RAPGEF2: variants seen among roughly 807,000 people sequenced by gnomAD.
RAPGEF2 encodes PDZ domain containing guanine nucleotide exchange factor (GEF) 1.
In RAPGEF2, 54 loss-of-function variants were observed where a neutral mutation model predicts 186.7. That is an observed-to-expected ratio of 0.29 (90% CI 0.23 to 0.36). The LOEUF is 0.36. Ranked by LOEUF, RAPGEF2 falls within the 10% of genes least tolerant of loss-of-function variation. The pLI is 1.00. For missense variants in RAPGEF2, 1,532 were observed against 2,045.0 expected (o/e 0.75, Z 4.84); for synonymous variants, 712 against 705.9 (o/e 1.01, Z -0.14).
intron 1 of RAPGEF2, among the ~76,000 whole-genome samples, chr4:159,136,195 A>G (rs1328969430): frequency 6.6e-6 from 1 of 152,292 alleles, no homozygotes; most frequent in African/African-American, 2.4e-5. Flanking sequence ...GAGTTTCATT[A>G]TATGTTATGG....
chr4:159,259,294 A>G (rs2110733262), intron 7 of RAPGEF2, among the ~76,000 whole-genome samples: 1 of 152,358 alleles, frequency 6.6e-6, no homozygotes, highest in South Asian at 2.1e-4. Flanking sequence ...TTAGAAGTAT[A>G]CCATTTAAGT....
intron 1 of RAPGEF2, among the ~76,000 whole-genome samples, chr4:159,168,653 C>G (rs1049360262): frequency 5.3e-5 from 8 of 152,094 alleles, no homozygotes; most frequent in African/African-American, 1.9e-4. Flanking sequence ...AAAGGGTATA[C>G]TTTGAAAACG....
chr4:159,179,308 G>A (rs961521377), intron 1 of RAPGEF2, among the ~76,000 whole-genome samples: 1 of 148,876 alleles, frequency 6.7e-6, no homozygotes, highest in Admixed American at 6.8e-5. Flanking sequence ...GTGTGTCATA[G>A]TTTTTTGACC....
At chr4:159,351,384 A>G (rs1424241508) in intron 26 of RAPGEF2, among the ~76,000 whole-genome samples, 1 of 152,178 alleles carries the variant, frequency 6.6e-6, no homozygotes, top group East Asian at 1.9e-4. Context: ...ATAAAAAGAC[A>G]TTTTATAAAT....
chr4:159,178,460 T>C (rs758000617), intron 1 of RAPGEF2, among the ~76,000 whole-genome samples: 5 of 152,108 alleles, frequency 3.3e-5, no homozygotes, highest in Non-Finnish European at 7.4e-5. Flanking sequence ...AAGCCCGTTA[T>C]ATATTCTGAA....
chr4:159,214,021 A>G (rs1243848643), intron 4 of RAPGEF2, among the ~76,000 whole-genome samples: 1 of 152,238 alleles, frequency 6.6e-6, no homozygotes, highest in Admixed American at 6.5e-5. Flanking sequence ...TATTGAAGCA[A>G]GGTACAATTT....
At chr4:159,104,311 C>T (rs1422838941) in intron 1 of RAPGEF2, 80 bp downstream of exon 1, 4 of 620,636 alleles carry the variant, frequency 6.4e-6, no homozygotes, top group Non-Finnish European at 1.0e-5. Flanking sequence ...CCACCTCCTT[C>T]CTGACACAGT....
At chr4:159,194,098 CA>C (rs1326100736) in intron 3 of RAPGEF2, among the ~76,000 whole-genome samples, 4 of 152,194 alleles carry the variant, frequency 2.6e-5, no homozygotes, top group Non-Finnish European at 5.9e-5. Context: ...AGAGCCTCAG[CA>C]AAGGGGCTGT....
At chr4:159,269,779 G>A (rs1757880749) in intron 7 of RAPGEF2, among the ~76,000 whole-genome samples, 1 of 152,154 alleles carries the variant, frequency 6.6e-6, no homozygotes, top group South Asian at 2.1e-4. Flanking sequence ...GAGAGGCAGA[G>A]GTGGAAGGAT....
At chr4:159,354,711 A>C (rs1731706106) in intron 28 of RAPGEF2, among the ~76,000 whole-genome samples, 1 of 152,218 alleles carries the variant, frequency 6.6e-6, no homozygotes, top group African/African-American at 2.4e-5. Context: ...TTTCTACTTA[A>C]TGGAGTTAGT....
chr4:159,248,361 A>C (rs1487698431), intron 7 of RAPGEF2, among the ~76,000 whole-genome samples: 1 of 152,172 alleles, frequency 6.6e-6, no homozygotes, highest in African/African-American at 2.4e-5. Context: ...ATTTTACTAA[A>C]ATTTATTGTT....
chr4:159,318,872 T>G (rs983577112), intron 9 of RAPGEF2, among the ~76,000 whole-genome samples: 9 of 152,364 alleles, frequency 5.9e-5, no homozygotes, highest in Non-Finnish European at 1.3e-4. Context: ...TGGGTTTTTT[T>G]ATAATGGTAC....
At chr4:159,342,558 T>A (rs55902837) in intron 20 of RAPGEF2, among the ~76,000 whole-genome samples, 2,224 of 47,512 alleles carry the variant, frequency 0.047, 37 homozygotes, top group African/African-American at 0.1. Flanking sequence ...TTTATATTAT[T>A]TTATTTTATT....
At chr4:159,170,988 T>C (rs2111247768) in intron 1 of RAPGEF2, among the ~76,000 whole-genome samples, 1 of 152,330 alleles carries the variant, frequency 6.6e-6, no homozygotes, top group East Asian at 1.9e-4. Flanking sequence ...CTTGGTACCT[T>C]TTTTGAGAAT....
chr4:159,331,856 T>A (rs779847020), intron 15 of RAPGEF2, 23 bp downstream of exon 15: 1 of 1,607,278 alleles, frequency 6.2e-7, no homozygotes, highest in Middle Eastern at 1.7e-4. Flanking sequence ...TAAACTCATT[T>A]AAGGGTGAAT....
At chr4:159,209,292 A>G (rs1240985174) in intron 3 of RAPGEF2, among the ~76,000 whole-genome samples, 2 of 152,212 alleles carry the variant, frequency 1.3e-5, no homozygotes, top group Admixed American at 1.3e-4. Flanking sequence ...AAAAATAGAA[A>G]TGACTCATGA....
chr4:159,160,963 C>T (rs769763466), intron 1 of RAPGEF2, among the ~76,000 whole-genome samples: 3 of 147,596 alleles, frequency 2.0e-5, no homozygotes, highest in Admixed American at 6.8e-5. Context: ...ATCAAGTATC[C>T]GAACCTAATT....
intron 8 of RAPGEF2, among the ~76,000 whole-genome samples, chr4:159,309,641 G>C (rs1308930177): frequency 1.3e-5 from 2 of 152,160 alleles, no homozygotes; most frequent in African/African-American, 4.8e-5. Flanking sequence ...GAAGGTTGTT[G>C]GTGATTGAAA....
intron 9 of RAPGEF2, among the ~76,000 whole-genome samples, chr4:159,318,122 T>G (rs1764817961): frequency 6.6e-6 from 1 of 152,222 alleles, no homozygotes; most frequent in South Asian, 2.1e-4. Flanking sequence ...AATACCAGTT[T>G]ACTTGCAAGC....
Sources: gnomAD v4.1 joint callset for allele counts (sites outside exome capture counted in the v4.1 genomes callset) on GRCh38, gnomAD v4.1.1 for gene constraint, MANE v1.5 for transcripts, NCBI Gene and HGNC (gene_info 2026-07-23, HGNC 2026-07-21) for gene names.